SRGAP2B: variants seen among roughly 807,000 people sequenced by gnomAD.
The protein encoded by SRGAP2B is SLIT-ROBO Rho GTPase-activating protein 2B.
In SRGAP2B, 9 loss-of-function variants were observed where a neutral mutation model predicts 22.2. The observed-to-expected ratio is 0.41, with a 90% CI of 0.24 to 0.71. The LOEUF (loss-of-function observed/expected upper bound fraction) is 0.71, where lower values mean the gene tolerates loss of function less well. SRGAP2B is among the 30% of genes least tolerant of loss of function. SRGAP2B has a pLI of 0.35. For missense variants in SRGAP2B, 114 were observed against 235.8 expected (o/e 0.48, Z 3.38); for synonymous variants, 36 against 87.4 (o/e 0.41, Z 3.28).
chr1:144,986,470 T>C (rs1417473025), intron 3 of SRGAP2B, among the ~76,000 whole-genome samples: 1 of 149,608 alleles, frequency 6.7e-6, no homozygotes, highest in Non-Finnish European at 1.5e-5. Flanking sequence ...TGAATGAAAA[T>C]ACAGTACTAT....
At position 144,952,105 on chromosome 1, in the gene SRGAP2B, A is replaced by AAC. The variant is rs1278090324; in HGVS notation, c.423+3332_423+3333dup. ...GTGTAGGATCCCCTTATCGTCACAGAACAGTGGTATCCTGAATTTGGAAGG... is the reference window on the plus strand; with the variant it reads ...GTGTAGGATCCCCTTATCGTCACAGAACACAGTGGTATCCTGAATTTGGAAGG... On this transcript the variant is annotated intron_variant, in intron 4 of 9. Coordinates refer to ENST00000612199, the Ensembl canonical transcript of SRGAP2B. 5.3e-5 allele frequency among the ~76,000 whole-genome samples: 2 copies of AAC among 38,046 alleles called. 1 individual carries two copies. Among genetic ancestry groups the AAC allele is most frequent in the East Asian group, 1.1e-3 (2 of 1,818 alleles). The allele number at this position is 38,046 out of a possible 152,430, so 25.0% of individuals were successfully genotyped here. A position where few individuals can be genotyped will look rare whatever the true frequency, so the allele number is the denominator to read the frequency against.
Position 144,920,888 on chromosome 1 carries a change from G to A in SRGAP2B, c.424-6134C>T, listed in dbSNP as rs587741335. ...TAGACAGGAGCTAAAATAACTTGCC[G>A]TCTTGAAGTGGCTGATCAGATGTTT... On this transcript the variant is annotated intron_variant, in intron 4 of 9. Transcript: ENST00000612199. Among the ~76,000 whole-genome samples the A allele has an allele frequency of 4.7e-5, 7 of 150,508 alleles. No homozygotes were observed. The South Asian group carries it at 1.0e-3, about 22-fold the overall frequency.
intron 2 of SRGAP2B, among the ~76,000 whole-genome samples, chr1:145,069,933 A>C (rs1176715051): frequency 6.7e-6 from 1 of 149,378 alleles, no homozygotes; most frequent in Non-Finnish European, 1.5e-5. Context: ...AATGAACCCC[A>C]GGCTTACAGG....
At position 145,093,772 on chromosome 1, in the gene SRGAP2B, C is replaced by A. The variant is rs1217614806; in HGVS notation, c.-542-329G>T. On this transcript the variant is annotated intron_variant, in intron 1 of 9. Transcript: ENST00000612199. ...CTGGGCAGCGGCCAGCCCGAGGGAGCCCTCCCGACCTAGCCCCCGACGTGG... is the reference window on the plus strand; with the variant it reads ...CTGGGCAGCGGCCAGCCCGAGGGAGACCTCCCGACCTAGCCCCCGACGTGG... Among the ~76,000 whole-genome samples the A allele has an allele frequency of 3.4e-5, 5 of 148,106 alleles. 1 individual carries two copies. The highest frequency in any genetic ancestry group is 1.3e-4 in the African/African-American group (5 of 38,590).
At chr1:145,047,171 G>C (rs1649882203) in intron 2 of SRGAP2B, among the ~76,000 whole-genome samples, 1 of 72,608 alleles carries the variant, frequency 1.4e-5, no homozygotes, top group Non-Finnish European at 2.4e-5. Context: ...GCAAGACTCT[G>C]TCTCAAAAAA....
At chr1:144,965,939 A>T (rs1415659214) in intron 3 of SRGAP2B, among the ~76,000 whole-genome samples, 1 of 150,356 alleles carries the variant, frequency 6.7e-6, no homozygotes, top group African/African-American at 2.5e-5. Context: ...AAGTTTAGAG[A>T]AAAAAAGAAT....
rs1356510326 is a variant in SRGAP2B at position 144,987,300 on chromosome 1, C to G, written c.260+7708G>C. ...ACAATAACTACACTTCCCAGCCTCCCTTGCAGTTCAGCATAACCATGTGAC... is the reference window on the plus strand; with the variant it reads ...ACAATAACTACACTTCCCAGCCTCCGTTGCAGTTCAGCATAACCATGTGAC... On this transcript the variant is annotated intron_variant, in intron 3 of 9. Transcript: ENST00000612199. Among the ~76,000 whole-genome samples the G allele has an allele frequency of 3.3e-5, 5 of 151,730 alleles. No individual in the cohort carries two copies. In the East Asian group the frequency reaches 9.7e-4, roughly 29 times the overall value.
intron 4 of SRGAP2B, among the ~76,000 whole-genome samples, chr1:144,954,618 C>T (rs1667126233): frequency 2.0e-5 from 3 of 150,742 alleles, no homozygotes; most frequent in South Asian, 4.2e-4. Flanking sequence ...AACCCAACCT[C>T]ATGAATAAAT....
chr1:145,076,271 C>T (rs1652498944), intron 2 of SRGAP2B, among the ~76,000 whole-genome samples: 1 of 149,442 alleles, frequency 6.7e-6, no homozygotes, highest in Non-Finnish European at 1.5e-5. Flanking sequence ...AAGAGATTCT[C>T]CTGCCTCAGC....
chr1:145,021,638 ATCTCG>A (rs1251540809), intron 2 of SRGAP2B, among the ~76,000 whole-genome samples: 5 of 138,834 alleles, frequency 3.6e-5, no homozygotes, highest in African/African-American at 1.4e-4. Context: ...ACATGGAGAA[ATCTCG>A]TCTCTACTAA....
At chr1:144,970,759 A>G (rs1209820498) in intron 3 of SRGAP2B, among the ~76,000 whole-genome samples, 2 of 150,228 alleles carry the variant, frequency 1.3e-5, no homozygotes, top group Non-Finnish European at 2.9e-5. Context: ...TTAAACAAAA[A>G]TGAATAACTG....
At chr1:145,038,369 T>C (rs1648890031) in intron 2 of SRGAP2B, among the ~76,000 whole-genome samples, 1 of 129,010 alleles carries the variant, frequency 7.8e-6, no homozygotes, top group Non-Finnish European at 1.6e-5. Flanking sequence ...ACACCCACAA[T>C]AAGGAGCAGG....
exon 10 of SRGAP2B, chr1:144,889,528 A>AAGAT (rs1662094451): frequency 5.6e-5 from 2 of 35,714 alleles, no homozygotes; most frequent in Non-Finnish European, 5.3e-5. Flanking sequence ...AAACTTACAA[A>AAGAT]AGATAGGATC....
intron 2 of SRGAP2B, among the ~76,000 whole-genome samples, chr1:145,009,548 A>C (rs1360073653): frequency 4.1e-5 from 6 of 147,762 alleles, no homozygotes; most frequent in African/African-American, 1.0e-4. Flanking sequence ...AGATCCCGCC[A>C]CTGCACTCCA....
intron 4 of SRGAP2B, among the ~76,000 whole-genome samples, chr1:144,925,035 A>G (rs587718632): frequency 0.031 from 4,428 of 142,166 alleles, 319 homozygotes; most frequent in African/African-American, 0.12. Context: ...ACAGAGTCTC[A>G]CTCTATCACC....
At chr1:144,984,317 T>C (rs1386605147) in intron 3 of SRGAP2B, among the ~76,000 whole-genome samples, 1 of 121,750 alleles carries the variant, frequency 8.2e-6, no homozygotes, top group African/African-American at 3.3e-5. Context: ...CGAAACTCCA[T>C]CTAAAAAAAA....
intron 3 of SRGAP2B, among the ~76,000 whole-genome samples, chr1:144,959,143 T>C (rs1667490595): frequency 6.7e-6 from 1 of 149,960 alleles, no homozygotes; most frequent in African/African-American, 2.5e-5. Flanking sequence ...TTCAATCACA[T>C]GCCATAGAAG....
At chr1:144,966,237 G>A (rs1440826918) in intron 3 of SRGAP2B, among the ~76,000 whole-genome samples, 1 of 149,880 alleles carries the variant, frequency 6.7e-6, no homozygotes, top group East Asian at 1.9e-4. Context: ...AGGGCAGCCA[G>A]AGAGAAAGGT....
intron 4 of SRGAP2B, among the ~76,000 whole-genome samples, chr1:144,924,618 G>A (rs1664514595): frequency 6.6e-6 from 1 of 151,332 alleles, no homozygotes. Context: ...TGTAGTCCCA[G>A]CTATTCGGGA....
Sources: allele counts gnomAD v4.1 joint callset (sites outside exome capture counted in the v4.1 genomes callset), GRCh38; gene constraint gnomAD v4.1.1; transcripts MANE v1.5; gene names NCBI Gene and HGNC (gene_info 2026-07-23, HGNC 2026-07-21).